The following GTF2H1 variants were observed in gnomAD, a reference collection of about 807,000 sequenced individuals.
GTF2H1 encodes BTF2 p62.
A neutral mutation model predicts 71.2 loss-of-function variants in GTF2H1; 16 were observed. That is an observed-to-expected ratio of 0.22 (90% CI 0.15 to 0.34). The LOEUF (loss-of-function observed/expected upper bound fraction) is 0.34, where lower values mean the gene tolerates loss of function less well. GTF2H1 is among the 10% of genes least tolerant of loss of function. GTF2H1 has a pLI of 1.00. For missense variants in GTF2H1, 498 were observed against 648.2 expected, an observed-to-expected ratio of 0.77 and a Z score of 2.52; for synonymous variants, 215 against 219.0, an observed-to-expected ratio of 0.98 and a Z score of 0.16.
At chr11:18,339,480 T>C in intron 4 of GTF2H1, 84 bp from the exon 5 acceptor site, 2 of 881,772 alleles carry the variant, frequency 2.3e-6, no homozygotes, top group Middle Eastern at 2.3e-4. Flanking sequence ...AATTTTTTTT[T>C]CCACCTTTGT....
chr11:18,342,741 T>A (rs1004573593), intron 7 of GTF2H1, among the ~76,000 whole-genome samples: 2 of 152,158 alleles, frequency 1.3e-5, no homozygotes, highest in Admixed American at 1.3e-4. Flanking sequence ...GCTTTTTTTT[T>A]CTTTAAAATA....
chr11:18,338,220 T>G lies in GTF2H1; in HGVS notation c.459T>G (p.Asp153Glu). 1 of 1,609,766 alleles carries G rather than the reference T, an allele frequency of 6.2e-7. No homozygotes were observed. The highest frequency in any genetic ancestry group is 8.5e-7 in the Non-Finnish European group (1 of 1,175,996). ...WANRLNVNAT[D>E]SSSTSNHKQD... Reference sequence around the variant, plus strand: ...ATCGTTTAAATGTGAATGCAACAGATAGTTCTTCCACATCCAATCATAAGC... The same window carrying G: ...ATCGTTTAAATGTGAATGCAACAGAGAGTTCTTCCACATCCAATCATAAGC... Residue 153 changes from aspartate (D) to glutamate (E), a missense_variant, in exon 4 of 15, where the codon GAT (aspartate) becomes GAG (glutamate). Around this residue, in one of 3 missense-constraint regions of GTF2H1, gnomAD observed 216 missense variants for 306.2 expected, o/e 0.71. Transcript: ENST00000265963.
chr11:18,357,721 C>T (rs1865590448), intron 11 of GTF2H1, among the ~76,000 whole-genome samples: 1 of 152,078 alleles, frequency 6.6e-6, no homozygotes, highest in African/African-American at 2.4e-5. Context: ...TTTGAGGTCC[C>T]TGTGGACTTG....
At chr11:18,335,988 C>G (rs371342016) in intron 3 of GTF2H1, 42 bp downstream of exon 3, 2 of 1,456,332 alleles carry the variant, frequency 1.4e-6, no homozygotes, top group African/African-American at 2.8e-5. Context: ...ATACTGGGTT[C>G]TCTATAGTCT....
Position 18,342,252 on chromosome 11 carries a change from C to CTT in GTF2H1, c.837+671_837+672dup, listed in dbSNP as rs71047585. ...TCTTATTTTTCTTCTTTTTCTGTCT[C>CTT]TTTTTTTTTTTTTTTTTTTTTTTTT... On this transcript the variant is annotated intron_variant, in intron 7 of 14. Coordinates refer to ENST00000265963, the MANE Select transcript of GTF2H1 (RefSeq NM_005316.4). Among the ~76,000 whole-genome samples, 230 of 72,778 alleles carry CTT rather than the reference C, an allele frequency of 3.2e-3. 30 individuals carry two copies. Among genetic ancestry groups the CTT allele is most frequent in the Non-Finnish European group, 4.2e-3 (170 of 40,662 alleles). 47.7% of individuals were successfully genotyped at this position (72,778 alleles called of 152,430 possible).
chr11:18,355,575 G>A (rs776764382), intron 11 of GTF2H1, among the ~76,000 whole-genome samples: 1 of 151,610 alleles, frequency 6.6e-6, no homozygotes, highest in Non-Finnish European at 1.5e-5. Flanking sequence ...GCACAATCTC[G>A]GCTCACTGCA....
At chr11:18,344,866 T>G (rs1331669048) in intron 7 of GTF2H1, among the ~76,000 whole-genome samples, 1 of 152,134 alleles carries the variant, frequency 6.6e-6, no homozygotes, top group Non-Finnish European at 1.5e-5. Flanking sequence ...ATCTTCTACC[T>G]GCTTGTTCCC....
intron 14 of GTF2H1, among the ~76,000 whole-genome samples, chr11:18,363,613 T>C (rs921036712): frequency 2.0e-5 from 3 of 152,208 alleles, no homozygotes; most frequent in Non-Finnish European, 4.4e-5. Flanking sequence ...TTTTTCATAT[T>C]TATTTCCTAA....
chr11:18,344,616 CAAAAAAAAAA>C (rs201176508), intron 7 of GTF2H1, among the ~76,000 whole-genome samples: 1 of 100,490 alleles, frequency 1.0e-5, no homozygotes, highest in Non-Finnish European at 2.0e-5. Flanking sequence ...GAGACTGTCT[CAAAAAAAAAA>C]AAAAAAAAAA....
At chr11:18,325,309 G>C (rs1189307869) in intron 1 of GTF2H1, among the ~76,000 whole-genome samples, 1 of 152,218 alleles carries the variant, frequency 6.6e-6, no homozygotes, top group Non-Finnish European at 1.5e-5. Flanking sequence ...CCAGTTATTA[G>C]AATCTGTATG....
At chr11:18,342,252 CTTTTTTTTTTTTTTTTT>C (rs71047585) in intron 7 of GTF2H1, among the ~76,000 whole-genome samples, 2,512 of 72,926 alleles carry the variant, frequency 0.034, 100 homozygotes, top group African/African-American at 0.12. Context: ...TTTTCTGTCT[CTTTTTTTTTTTTTTTTT>C]TTTTTTTTTT....
intron 5 of GTF2H1, 37 bp from the exon 6 acceptor site, chr11:18,341,224 A>G: frequency 6.4e-7 from 1 of 1,553,480 alleles, no homozygotes; most frequent in African/African-American, 1.4e-5. Flanking sequence ...TAAAAATGGA[A>G]ATTCAGTATA....
At chr11:18,364,992 G>A (rs1865784574) in intron 14 of GTF2H1, among the ~76,000 whole-genome samples, 1 of 151,400 alleles carries the variant, frequency 6.6e-6, no homozygotes, top group Non-Finnish European at 1.5e-5. Flanking sequence ...CACTTTGAGA[G>A]GCTGAGGCAG....
At chr11:18,341,075 T>C (rs1272278331) in intron 5 of GTF2H1, among the ~76,000 whole-genome samples, 186 bp from the exon 6 acceptor site, 1 of 152,224 alleles carries the variant, frequency 6.6e-6, no homozygotes, top group African/African-American at 2.4e-5. Flanking sequence ...TTGTAAGATT[T>C]ATAGAGGTCA....
intron 2 of GTF2H1, 101 bp from the exon 3 acceptor site, chr11:18,335,653 G>A (rs1223666690): frequency 1.2e-5 from 10 of 811,530 alleles, no homozygotes; most frequent in African/African-American, 8.6e-5. Flanking sequence ...GGCAGTTAAA[G>A]CCCAAAGGAA....
intron 1 of GTF2H1, among the ~76,000 whole-genome samples, chr11:18,328,920 C>G (rs1864833164): frequency 6.6e-6 from 1 of 151,616 alleles, no homozygotes. Flanking sequence ...TTTTAAACTT[C>G]AAGAAGGGAA....
chr11:18,353,147 C>G lies in GTF2H1; in HGVS notation c.1260+701C>G, dbSNP rs996015257. Among the ~76,000 whole-genome samples the G allele has an allele frequency of 2.0e-5, 3 of 152,226 alleles. No homozygotes were observed. The South Asian group carries it at 6.2e-4, about 31-fold the overall frequency. On this transcript the variant is annotated intron_variant, in intron 11 of 14. Coordinates refer to ENST00000265963, the MANE Select transcript of GTF2H1 (RefSeq NM_005316.4). ...CGCTGAGGCAGGAGAATCACTTGAA[C>G]CTGGAAGGCAGAGGTTACAGTGAGC...
chr11:18,359,891 G>A (rs1298481767), intron 13 of GTF2H1, among the ~76,000 whole-genome samples: 1 of 151,506 alleles, frequency 6.6e-6, no homozygotes, highest in Non-Finnish European at 1.5e-5. Flanking sequence ...GGAGGCCAAG[G>A]CAGGCAGATC....
chr11:18,341,245 G>C lies in GTF2H1; in HGVS notation c.608-16G>C. The C allele has an allele frequency of 3.1e-6, 5 of 1,596,888 alleles. No homozygotes were observed. Among genetic ancestry groups the C allele is most frequent in the Non-Finnish European group, 4.3e-6 (5 of 1,171,284 alleles). ...TGGAAATTCAGTATATAATATTTGT[G>C]GGTTTTTTTCCACAGTAAAAATGAA... On this transcript the variant is annotated splice_polypyrimidine_tract_variant and intron_variant, in intron 5 of 14. Transcript: ENST00000265963.
Sources: gnomAD v4.1 joint callset for allele counts (sites outside exome capture counted in the v4.1 genomes callset) on GRCh38, gnomAD v4.1.1 for gene constraint, gnomAD v4.1.1 regional missense constraint, MANE v1.5 for transcripts, NCBI Gene and HGNC (gene_info 2026-07-23, HGNC 2026-07-21) for gene names.